Variants in ACOX1 observed in about 807,000 individuals in gnomAD.
The protein encoded by ACOX1 is acyl-CoA oxidase 1.
A neutral mutation model predicts 75.5 loss-of-function variants in ACOX1; 41 were observed. The ratio of observed to expected loss-of-function variants is 0.54; its 90% CI spans 0.42 to 0.70. The LOEUF is 0.70. Ranked by LOEUF, ACOX1 falls within the 30% of genes least tolerant of loss-of-function variation. The pLI is 0.00. For missense variants in ACOX1, 630 were observed against 837.5 expected (o/e 0.75, Z 3.06); for synonymous variants, 303 against 298.8 (o/e 1.01, Z -0.15).
At chr17:75,948,641 G>A (rs369365505) in intron 12 of ACOX1, among the ~76,000 whole-genome samples, 184 bp from the exon 13 acceptor site, 2 of 150,304 alleles carry the variant, frequency 1.3e-5, no homozygotes, top group African/African-American at 4.9e-5. Flanking sequence ...CGCAATCTCC[G>A]CCTCCCAGGT....
chr17:75,958,704 A>T (rs944874522), intron 3 of ACOX1, among the ~76,000 whole-genome samples: 10 of 150,096 alleles, frequency 6.7e-5, no homozygotes, highest in African/African-American at 2.5e-4. Context: ...GCTACTCGGG[A>T]GGCTGAGGCA....
intron 2 of ACOX1, among the ~76,000 whole-genome samples, chr17:75,963,945 G>A (rs1302762917): frequency 6.6e-6 from 1 of 151,168 alleles, no homozygotes; most frequent in Non-Finnish European, 1.5e-5. Context: ...GTACTTTGGG[G>A]GGCCAAGGTG....
At position 75,955,600 on chromosome 17, in the gene ACOX1, A is replaced by G; in HGVS notation, c.740T>C (p.Ile247Thr). 1 of 1,614,164 alleles carries G rather than the reference A, an allele frequency of 6.2e-7. No individual in the cohort carries two copies. The highest frequency in any genetic ancestry group is 2.2e-5 in the East Asian group (1 of 44,892). The change falls in exon 6 of 14, where the codon ATT becomes ACT. Residue 247 changes from isoleucine (I) to threonine (T), a missense_variant. This residue lies in a region of ACOX1 where 390 missense variants were observed against 574.9 expected (regional missense o/e 0.68). Coordinates refer to ENST00000293217, the MANE Select transcript of ACOX1 (RefSeq NM_004035.7). ...CTTCATCAGCATGTTTTCTCTGGGA[A>G]TACGATGGTTGTCCATTTTGAGGTA... is the stretch of plus-strand genomic sequence containing the variant. ...NGYLKMDNHRIPRENMLMKYA... is the reference protein window; with the variant it reads ...NGYLKMDNHRTPRENMLMKYA...
At chr17:75,961,437 T>C (rs1255237618) in intron 2 of ACOX1, among the ~76,000 whole-genome samples, 1 of 117,018 alleles carries the variant, frequency 8.5e-6, no homozygotes, top group Non-Finnish European at 1.6e-5. Context: ...CTGGCCAACA[T>C]AGTGAAATCC....
intron 2 of ACOX1, among the ~76,000 whole-genome samples, chr17:75,970,501 G>A (rs2065984527): frequency 6.6e-6 from 1 of 152,140 alleles, no homozygotes; most frequent in Non-Finnish European, 1.5e-5. Context: ...CGTGTCCTTA[G>A]AGGAAAGAAG....
chr17:75,964,921 T>C (rs928971202), intron 2 of ACOX1, among the ~76,000 whole-genome samples: 4 of 151,696 alleles, frequency 2.6e-5, no homozygotes, highest in African/African-American at 9.7e-5. Flanking sequence ...TAATCATATA[T>C]GAGAAAGGAA....
In ACOX1 at chr17:75,948,447, A is replaced by G; in HGVS notation, c.1739T>C (p.Met580Thr). The change falls in exon 13 of 14, where the codon ATG becomes ACG. Residue 580 changes from methionine to threonine, a missense_variant. Met to Thr is a moderately conservative substitution (Grantham distance 81, BLOSUM62 -1). Coordinates refer to ENST00000293217, the MANE Select transcript of ACOX1 (RefSeq NM_004035.7). ...TACTTGTGTAATCTGAGGCTCTGTC[A>G]TGATGCTCCCCTAAAAGAGACCAAA... is the stretch of plus-strand genomic sequence containing the variant. Reference protein sequence around the residue: ...NAGDFLQGSIMTEPQITQVNQ... With the variant: ...NAGDFLQGSITTEPQITQVNQ... 1 of 1,614,180 alleles carries G rather than the reference A, an allele frequency of 6.2e-7. No homozygotes were observed. The highest frequency in any genetic ancestry group is 8.5e-7 in the Non-Finnish European group (1 of 1,180,016).
chr17:75,947,313 TCTC>T (rs2065730578), intron 13 of ACOX1, among the ~76,000 whole-genome samples: 1 of 148,772 alleles, frequency 6.7e-6, no homozygotes, highest in Non-Finnish European at 1.5e-5. Flanking sequence ...AATGGCATGG[TCTC>T]GGCTCACCGC....
At chr17:75,947,173 G>A (rs911386469) in intron 13 of ACOX1, among the ~76,000 whole-genome samples, 1 of 151,772 alleles carries the variant, frequency 6.6e-6, no homozygotes, top group Non-Finnish European at 1.5e-5. Context: ...CCCAGCCTGT[G>A]GTTGTTTCTG....
intron 7 of ACOX1, among the ~76,000 whole-genome samples, chr17:75,952,387 T>A (rs913697003): frequency 6.6e-6 from 1 of 151,658 alleles, no homozygotes; most frequent in Non-Finnish European, 1.5e-5. Flanking sequence ...CTCCACTTCC[T>A]GGGTTCAAGT....
Position 75,953,509 on chromosome 17 carries a change from C to T in ACOX1, c.886G>A (p.Ala296Thr). ...VGEAARALSK[A>T]CTIAIRYSAV... ...CTGTATCGGATGGCAATGGTGCACG[C>T]CTTAGACAGAGCCCGAGCAGCTTCT... The change falls in exon 7 of 14, where the codon GCG (alanine) becomes ACG (threonine). Residue 296 changes from alanine to threonine, a missense_variant. By Grantham distance (58) the Ala-to-Thr change is moderately conservative. This residue lies in a region of ACOX1 where 390 missense variants were observed against 574.9 expected (regional missense o/e 0.68). Transcript: ENST00000293217. 6.2e-7 allele frequency: 1 copy of T among 1,614,160 alleles called. No individual in the cohort carries two copies. The highest frequency in any genetic ancestry group is 2.2e-5 in the East Asian group (1 of 44,892).
chr17:75,945,694 C>A lies in ACOX1; in HGVS notation c.*1054G>T, dbSNP rs942270529. On this transcript the variant is annotated 3_prime_UTR_variant, in exon 14 of 14. Coordinates refer to ENST00000293217, the MANE Select transcript of ACOX1 (RefSeq NM_004035.7). ...TTCAGAGAAAGCTCCTAGAAATAGA[C>A]TGAAAACAAAGCCATACATAGAGTA... 1 of 153,648 alleles carries A rather than the reference C, an allele frequency of 6.5e-6. No individual in the cohort carries two copies. Among genetic ancestry groups the A allele is most frequent in the East Asian group, 1.9e-4 (1 of 5,204 alleles). The allele number at this position is 153,648 out of a possible 1,614,324, so 9.5% of individuals were successfully genotyped here. A position where few individuals can be genotyped will look rare whatever the true frequency, so the allele number is the denominator to read the frequency against.
chr17:75,960,318 G>A lies in ACOX1; in HGVS notation c.327C>T (p.Pro109=). Residue 109 remains proline (P), a synonymous_variant, in exon 3 of 14, where the codon CCC becomes CCT. Transcript: ENST00000293217. The surrounding 1 kb of genome is among the most constrained non-coding windows in gnomAD (Gnocchi z 4.4). ...PLDLHLGMFL[P]TLLHQATAEQ... is the part of the protein sequence containing the mutation. ...CCGCAGTTGCCTGGTGAAGCAAGGT[G>A]GGCAGGAACATGCCCAAGTGAAGAT... is the stretch of plus-strand genomic sequence containing the variant. The A allele has an allele frequency of 6.2e-7, 1 of 1,614,188 alleles. No individual in the cohort carries two copies. Among genetic ancestry groups the A allele is most frequent in the South Asian group, 1.1e-5 (1 of 91,082 alleles).
At chr17:75,958,299 G>A (rs1490335200) in intron 3 of ACOX1, among the ~76,000 whole-genome samples, 1 of 147,444 alleles carries the variant, frequency 6.8e-6, no homozygotes, top group Non-Finnish European at 1.5e-5. Context: ...GTTGCAGTGA[G>A]CCAAGATTGT....
intron 7 of ACOX1, among the ~76,000 whole-genome samples, chr17:75,952,422 GT>G (rs1424404818): frequency 6.6e-6 from 1 of 151,626 alleles, no homozygotes; most frequent in African/African-American, 2.4e-5. Flanking sequence ...AGTCTCCCGA[GT>G]AGCTGGAATT....
intron 12 of ACOX1, 149 bp from the exon 13 acceptor site, chr17:75,948,606 G>GTACAATGGTGTGATCTTGGCTCAC (rs2065744378): frequency 1.3e-6 from 1 of 745,032 alleles, no homozygotes; most frequent in Admixed American, 2.4e-5. Context: ...CCAGGCTGGA[G>GTACAATGGTGTGATCTTGGCTCAC]TACAATGGTG....
chr17:75,976,288 C>T (rs1394956048), intron 2 of ACOX1, among the ~76,000 whole-genome samples: 2 of 152,134 alleles, frequency 1.3e-5, no homozygotes, highest in East Asian at 1.9e-4. Flanking sequence ...CTTTAACCCG[C>T]ATAAAAGACT....
chr17:75,965,890 G>A (rs1375756490), intron 2 of ACOX1, among the ~76,000 whole-genome samples: 1 of 152,082 alleles, frequency 6.6e-6, no homozygotes, highest in Non-Finnish European at 1.5e-5. Flanking sequence ...AGCACTTCGG[G>A]AGGCTGAGGC....
At chr17:75,963,524 A>T (rs1257584246) in intron 2 of ACOX1, among the ~76,000 whole-genome samples, 3 of 151,580 alleles carry the variant, frequency 2.0e-5, no homozygotes, top group Non-Finnish European at 4.4e-5. Flanking sequence ...ACAAGGTGAA[A>T]CCCCTCTCTA....
Sources: gnomAD v4.1 joint callset for allele counts (sites outside exome capture counted in the v4.1 genomes callset) on GRCh38, gnomAD v4.1.1 for gene constraint, gnomAD v4.1.1 regional missense constraint, Gnocchi (gnomAD v3.1) non-coding constraint, MANE v1.5 for transcripts, NCBI Gene and HGNC (gene_info 2026-07-23, HGNC 2026-07-21) for gene names.